DMPK: variants seen among roughly 807,000 people sequenced by gnomAD.
DMPK encodes DM1 protein kinase.
DMPK carries 32 observed loss-of-function variants against 70.3 expected under a neutral mutation model. The ratio of observed to expected loss-of-function variants is 0.46; its 90% CI spans 0.34 to 0.61. DMPK has a LOEUF of 0.61. DMPK is among the 20% of genes least tolerant of loss of function. The pLI, the probability that DMPK is intolerant of heterozygous loss-of-function variation, is 0.01. For missense variants in DMPK, 899 were observed against 886.0 expected, an observed-to-expected ratio of 1.01 and a Z score of -0.19; for synonymous variants, 469 against 390.9, an observed-to-expected ratio of 1.20 and a Z score of -2.36.
rs764488056 is a variant in DMPK at position 45,777,481 on chromosome 19, C to G, written c.992G>C (p.Gly331Ala). Residue 331 changes from glycine to alanine, a missense_variant, in exon 8 of 15, where the codon GGC becomes GCC. Around this residue, in one of 3 missense-constraint regions of DMPK, gnomAD observed 555 missense variants for 483.8 expected, o/e 1.15. Transcript: ENST00000291270. The surrounding 1 kb of genome is among the most constrained non-coding windows in gnomAD (Gnocchi z 6.7). ...PETRLGRGGA[G>A]DFRTHPFFFG... ...GAAGAAGGGATGTGTCCGGAAGTCG[C>G]CTGCTCCACCCCGGCCCAGCCGTGT... The G allele has an allele frequency of 6.2e-7, 1 of 1,613,454 alleles. No individual in the cohort carries two copies. The highest frequency in any genetic ancestry group is 1.1e-5 in the South Asian group (1 of 91,090).
chr19:45,771,046 C>CG lies in DMPK; in HGVS notation c.1661dup (p.Ala555GlyfsTer28). The CG allele has an allele frequency of 4.6e-6, 7 of 1,515,678 alleles. No individual in the cohort carries two copies. Among genetic ancestry groups the CG allele is most frequent in the East Asian group, 2.6e-5 (1 of 38,878 alleles). The allele number at this position is 1,515,678 out of a possible 1,614,324, so 93.9% of individuals were successfully genotyped here. ...GCGGGCACTGGCCCACAGCCACGGCCGGGGGGCCATCTAGCTGGAGAGAGA... is the reference window on the plus strand; with the variant it reads ...GCGGGCACTGGCCCACAGCCACGGCCGGGGGGGCCATCTAGCTGGAGAGAGA... On this transcript the variant is annotated frameshift_variant, in exon 14 of 15. Coordinates refer to ENST00000291270, the MANE Select transcript of DMPK (RefSeq NM_004409.5). LOFTEE classifies it high-confidence loss of function.
chr19:45,774,232 G>A (rs969906473), intron 9 of DMPK, among the ~76,000 whole-genome samples: 6 of 150,242 alleles, frequency 4.0e-5, no homozygotes, highest in African/African-American at 1.2e-4. Flanking sequence ...AATTACAGGC[G>A]TGAGCCACCA....
In DMPK at chr19:45,770,302, C is replaced by A. The variant is rs1969301536; in HGVS notation, c.*186G>T. The A allele has an allele frequency of 1.1e-6, 1 of 910,850 alleles. No individual in the cohort carries two copies. Among genetic ancestry groups the A allele is most frequent in the African/African-American group, 1.7e-5 (1 of 58,428 alleles). 56.4% of individuals were successfully genotyped at this position (910,850 alleles called of 1,614,324 possible). On this transcript the variant is annotated 3_prime_UTR_variant, in exon 15 of 15. Transcript: ENST00000291270. ...CAAGGACCCTTCGAGCCCCGTTCGC[C>A]GGCCGCGGACCCGGCCCCTCCCTCC...
chr19:45,777,245 A>C lies in DMPK; in HGVS notation c.1146+82T>G. On this transcript the variant is annotated intron_variant, in intron 8 of 14. Coordinates refer to ENST00000291270, the MANE Select transcript of DMPK (RefSeq NM_004409.5). The surrounding 1 kb of genome is among the most constrained non-coding windows in gnomAD (Gnocchi z 6.7). Reference sequence around the variant, plus strand: ...GGAATGAGTGATTCAGGACCCCAGAAGGTAGGCACTGTCCTTACTCCAACT... The same window carrying C: ...GGAATGAGTGATTCAGGACCCCAGACGGTAGGCACTGTCCTTACTCCAACT... 2 of 1,454,320 alleles carry C rather than the reference A, an allele frequency of 1.4e-6. No individual in the cohort carries two copies. The highest frequency in any genetic ancestry group is 2.7e-5 in the Admixed American group (1 of 36,646). The allele number at this position is 1,454,320 out of a possible 1,614,324, so 90.1% of individuals were successfully genotyped here.
In DMPK at chr19:45,774,262, C is replaced by CTT. The variant is rs34551308; in HGVS notation, c.1232+685_1232+686dup. Among the ~76,000 whole-genome samples, 257 of 122,080 alleles carry CTT rather than the reference C, an allele frequency of 2.1e-3. 3 individuals are homozygous for CTT. The highest frequency in any genetic ancestry group is 8.0e-3 in the East Asian group (33 of 4,126). The allele number at this position is 122,080 out of a possible 152,430, so 80.1% of individuals were successfully genotyped here. On this transcript the variant is annotated intron_variant, in intron 9 of 14. Coordinates refer to ENST00000291270, the MANE Select transcript of DMPK (RefSeq NM_004409.5). ...CCACCACACCCGGCCTAAATAAATA[C>CTT]TTTTTTTTTTTTTTTTTTGAGACGG... is the stretch of plus-strand genomic sequence containing the variant.
At chr19:45,779,910 A>C in intron 1 of DMPK, 41 bp from the exon 2 acceptor site, 2 of 1,613,722 alleles carry the variant, frequency 1.2e-6, no homozygotes, top group Non-Finnish European at 1.7e-6. Flanking sequence ...GGTCACCAGA[A>C]AGGGCACTGG....
Position 45,769,868 on chromosome 19 carries a change from G to A in DMPK, c.*620C>T, listed in dbSNP as rs539962979. The A allele has an allele frequency of 4.0e-6, 1 of 249,526 alleles. No individual in the cohort carries two copies. Among genetic ancestry groups the A allele is most frequent in the African/African-American group, 2.3e-5 (1 of 42,726 alleles). The allele number at this position is 249,526 out of a possible 1,614,324, so 15.5% of individuals were successfully genotyped here. A position where few individuals can be genotyped will look rare whatever the true frequency, so the allele number is the denominator to read the frequency against. ...GGTCCTGTAGCCTGTCAGCGAGTCG[G>A]AGGACGAGGTCAATAAATATCCAAA... On this transcript the variant is annotated 3_prime_UTR_variant, in exon 15 of 15. Coordinates refer to ENST00000291270, the MANE Select transcript of DMPK (RefSeq NM_004409.5).
At chr19:45,778,447 C>T (rs201233585) in intron 5 of DMPK, 46 bp downstream of exon 5, 10 of 1,598,136 alleles carry the variant, frequency 6.3e-6, no homozygotes, top group South Asian at 3.3e-5. Flanking sequence ...TCCAAGAACC[C>T]GGCCAGGGAA....
intron 1 of DMPK, 73 bp from the exon 2 acceptor site, chr19:45,779,942 C>T (rs573985824): frequency 1.2e-6 from 2 of 1,607,218 alleles, no homozygotes; most frequent in African/African-American, 1.3e-5. Context: ...AAAGCCCCAC[C>T]CTCTGTCTGT....
Position 45,770,483 on chromosome 19 carries a change from A to G in DMPK, c.*5T>C, listed in dbSNP as rs1421206461. On this transcript the variant is annotated 3_prime_UTR_variant, in exon 15 of 15. Transcript: ENST00000291270. ...GGGCCCCGGAGTCGAAGACAGTTCT[A>G]GGGTTCAGGGAGCGCGGGCGGCTCC... is the stretch of plus-strand genomic sequence containing the variant. 1.3e-6 allele frequency: 2 copies of G among 1,550,188 alleles called. No homozygotes were observed. The highest frequency in any genetic ancestry group is 2.0e-5 in the Admixed American group (1 of 51,006).
In DMPK at chr19:45,772,656, G is replaced by T; in HGVS notation, c.1329C>A (p.Ser443=). The change falls in exon 10 of 15, where the codon TCC becomes TCA. Residue 443 remains serine, a synonymous_variant. Transcript: ENST00000291270. The stretch of plus-strand genomic sequence containing the variant: ...ACCAACTTACTGTTTCATCCTGTGG[G>T]GACACCGAGGGCTCCAGGCTGGGCG... ...VQAPSLEPSV[S]PQDETAEVAV... The T allele has an allele frequency of 6.5e-7, 1 of 1,541,010 alleles. No homozygotes were observed. Among genetic ancestry groups the T allele is most frequent in the Non-Finnish European group, 8.7e-7 (1 of 1,152,910 alleles).
intron 8 of DMPK, among the ~76,000 whole-genome samples, chr19:45,776,342 A>G (rs75413061): frequency 2.2e-4 from 10 of 45,390 alleles, no homozygotes; most frequent in Admixed American, 7.3e-4. Context: ...ATGGGGTTTC[A>G]CCGTGTTAGC....
rs1283150225 is a variant in DMPK, at chr19:45,771,091, G to GGAGCC, written c.1648-36_1648-32dup. On this transcript the variant is annotated intron_variant, in intron 13 of 14. Coordinates refer to ENST00000291270, the MANE Select transcript of DMPK (RefSeq NM_004409.5). ...GAGAGAAGGGACAGGTGACCCGATCGGAGCCCAGCCCAGCCCTCAGCGGTG... is the reference window on the plus strand; with the variant it reads ...GAGAGAAGGGACAGGTGACCCGATCGGAGCCGAGCCCAGCCCAGCCCTCAGCGGTG... 5 of 1,498,444 alleles carry GGAGCC rather than the reference G, an allele frequency of 3.3e-6. No individual in the cohort carries two copies. The African/African-American group carries it at 7.0e-5, about 21-fold the overall frequency. 92.8% of individuals were successfully genotyped at this position (1,498,444 alleles called of 1,614,324 possible).
chr19:45,772,387 C>A (rs758966003), intron 10 of DMPK: 6 of 401,446 alleles, frequency 1.5e-5, no homozygotes, highest in African/African-American at 6.3e-5. Flanking sequence ...CCTTCCATGG[C>A]TTGTTTCTCC....
At position 45,779,816 on chromosome 19, in the gene DMPK, C is replaced by G. The variant is rs1213043004; in HGVS notation, c.214G>C (p.Glu72Gln). The G allele has an allele frequency of 1.3e-6, 2 of 1,583,704 alleles. No homozygotes were observed. Among genetic ancestry groups the G allele is most frequent in the African/African-American group, 1.3e-5 (1 of 74,076 alleles). The change falls in exon 2 of 15, where the codon GAG becomes CAG. Residue 72 changes from glutamate to glutamine, a missense_variant. Around this residue, in one of 3 missense-constraint regions of DMPK, gnomAD observed 149 missense variants for 142.5 expected, o/e 1.05. Transcript: ENST00000291270. ...CCGCGTCCGATCACCTTCAGAATCT[C>G]GAAGTCGTCCCTCTGCAGTCGGACC... ...KEVRLQRDDF[E>Q]ILKVIGRGAF... is the part of the protein sequence containing the mutation.
At chr19:45,780,791 G>A (rs1319974993) in intron 1 of DMPK, 3 of 174,736 alleles carry the variant, frequency 1.7e-5, no homozygotes, top group African/African-American at 2.4e-5. Context: ...GGCTGAGGAC[G>A]GGGGAGGGAG....
Position 45,777,805 on chromosome 19 carries a change from A to G in DMPK, c.744T>C (p.Gly248=). The change falls in exon 7 of 15, where the codon GGT becomes GGC. Residue 248 remains glycine (G), a synonymous_variant. Transcript: ENST00000291270. The surrounding 1 kb of genome is among the most constrained non-coding windows in gnomAD (Gnocchi z 6.7). The part of the protein sequence containing the change: ...LSPEILQAVG[G]GPGTGSYGPE... ...GCCCGTAGCTGCCTGTCCCAGGCCC[A>G]CCGCCCACAGCCTGCAGGATCTCGG... 1 of 1,612,672 alleles carries G rather than the reference A, an allele frequency of 6.2e-7. No individual in the cohort carries two copies.
At position 45,777,804 on chromosome 19, in the gene DMPK, C is replaced by T. The variant is rs751304727; in HGVS notation, c.745G>A (p.Gly249Arg). The T allele has an allele frequency of 3.7e-6, 6 of 1,612,738 alleles. No individual in the cohort carries two copies. Among genetic ancestry groups the T allele is most frequent in the East Asian group, 4.5e-5 (2 of 44,894 alleles). ...SPEILQAVGG[G>R]PGTGSYGPEC... ...GGCCCGTAGCTGCCTGTCCCAGGCC[C>T]ACCGCCCACAGCCTGCAGGATCTCG... The change falls in exon 7 of 15, where the codon GGG becomes AGG. Residue 249 changes from glycine to arginine, a missense_variant. By Grantham distance (125) the Gly-to-Arg change is moderately radical. Coordinates refer to ENST00000291270, the MANE Select transcript of DMPK (RefSeq NM_004409.5). The surrounding 1 kb of genome is among the most constrained non-coding windows in gnomAD (Gnocchi z 6.7).
chr19:45,774,216 C>T (rs985620266), intron 9 of DMPK, among the ~76,000 whole-genome samples: 1 of 150,866 alleles, frequency 6.6e-6, no homozygotes. Flanking sequence ...CCTCCCAAAG[C>T]ACTGGAATTA....
Sources: allele counts gnomAD v4.1 joint callset (sites outside exome capture counted in the v4.1 genomes callset), GRCh38; gene constraint gnomAD v4.1.1; regional missense constraint gnomAD v4.1.1; non-coding constraint Gnocchi (gnomAD v3.1); transcripts MANE v1.5; gene names NCBI Gene and HGNC (gene_info 2026-07-23, HGNC 2026-07-21).